Variants in VRK2 observed in about 807,000 individuals in gnomAD.
VRK2 encodes the protein VRK serine/threonine kinase 2, also known as serine/threonine-protein kinase VRK2.
VRK2 carries 60 observed loss-of-function variants against 57.6 expected under a neutral mutation model. The ratio of observed to expected loss-of-function variants is 1.04; its 90% CI spans 0.85 to 1.29. The LOEUF is 1.29. VRK2 is among the 50% of genes most tolerant of loss of function. The pLI is 0.00. For synonymous variants in VRK2, 231 were observed against 199.2 expected, an observed-to-expected ratio of 1.16 and a Z score of -1.35; for missense variants, 705 against 588.1, an observed-to-expected ratio of 1.20 and a Z score of -2.06.
upstream of VRK2, among the ~76,000 whole-genome samples, chr2:58,045,768 T>C (rs910016137): frequency 5.3e-5 from 8 of 152,034 alleles, no homozygotes; most frequent in African/African-American, 1.7e-4. Flanking sequence ...GGTTACTATG[T>C]AGAATGCTGA....
intron 1 of VRK2, among the ~76,000 whole-genome samples, chr2:57,987,837 T>C (rs1672645533): frequency 6.6e-6 from 1 of 152,218 alleles, no homozygotes; most frequent in Non-Finnish European, 1.5e-5. Context: ...CAACTCCTGA[T>C]ACATGTAATG....
rs772810479 is a variant in VRK2, at chr2:58,146,447, T to C, written c.1155T>C (p.Ile385=). The C allele has an allele frequency of 6.2e-6, 10 of 1,610,744 alleles. No homozygotes were observed. Among genetic ancestry groups the C allele is most frequent in the South Asian group, 2.2e-5 (2 of 90,882 alleles). Residue 385 remains isoleucine, a synonymous_variant, in exon 12 of 13, where the codon ATT becomes ATC. Coordinates refer to ENST00000340157, the MANE Select transcript of VRK2 (RefSeq NM_006296.7). ...AAGTGCAGAAAGAGGAGAAACTGAT[T>C]GGATTGATGAACAATGAAGCAGCTC... The part of the protein sequence containing the change: ...TWKVQKEEKL[I]GLMNNEAAQE...
chr2:58,150,562 G>GT lies in VRK2; in HGVS notation c.1182+4102dup, dbSNP rs35146685. Among the ~76,000 whole-genome samples, 286 of 95,432 alleles carry GT rather than the reference G, an allele frequency of 3.0e-3. 1 individual carries two copies. Among genetic ancestry groups the GT allele is most frequent in the South Asian group, 6.9e-3 (21 of 3,036 alleles). 62.6% of individuals were successfully genotyped at this position (95,432 alleles called of 152,430 possible). On this transcript the variant is annotated intron_variant, in intron 12 of 12. Coordinates refer to ENST00000340157, the MANE Select transcript of VRK2 (RefSeq NM_006296.7). ...GACCAGCTTTGGTTTTTTTTTTTTAGTTTTTTTTTTTTTTCAAAGACCAAC... is the reference window on the plus strand; with the variant it reads ...GACCAGCTTTGGTTTTTTTTTTTTAGTTTTTTTTTTTTTTTCAAAGACCAAC...
chr2:58,143,369 C>A (rs2104629661), intron 11 of VRK2, among the ~76,000 whole-genome samples: 1 of 152,018 alleles, frequency 6.6e-6, no homozygotes, highest in Admixed American at 6.6e-5. Flanking sequence ...AGGGTGTTTT[C>A]TGTATTTTTC....
intron 2 of VRK2, among the ~76,000 whole-genome samples, chr2:58,050,934 T>A (rs1175689514): frequency 6.6e-6 from 1 of 151,896 alleles, no homozygotes; most frequent in African/African-American, 2.4e-5. Context: ...AACCTCCACC[T>A]CCTAGGTTCA....
chr2:57,926,931 T>C (rs982324790), intron 1 of VRK2, among the ~76,000 whole-genome samples: 9 of 151,828 alleles, frequency 5.9e-5, no homozygotes, highest in Admixed American at 2.6e-4. Flanking sequence ...TGTAGACTTC[T>C]TTCTTTCCTT....
At chr2:57,975,205 A>G (rs1672211821) in intron 1 of VRK2, among the ~76,000 whole-genome samples, 1 of 152,050 alleles carries the variant, frequency 6.6e-6, no homozygotes, top group Non-Finnish European at 1.5e-5. Context: ...GAAATTGATA[A>G]CAAAGATACA....
intron 1 of VRK2, among the ~76,000 whole-genome samples, chr2:58,006,805 C>G (rs79435820): frequency 1.3e-5 from 2 of 152,094 alleles, no homozygotes; most frequent in East Asian, 3.9e-4. Flanking sequence ...GAAAGGAAGC[C>G]TACTAAATTC....
intron 2 of VRK2, among the ~76,000 whole-genome samples, chr2:58,074,207 A>C (rs1669762382): frequency 6.6e-6 from 1 of 152,082 alleles, no homozygotes; most frequent in South Asian, 2.1e-4. Flanking sequence ...TCCTATAGAC[A>C]TCATATAGTT....
intron 7 of VRK2, among the ~76,000 whole-genome samples, chr2:58,117,770 A>C (rs1283021372): frequency 1.3e-5 from 2 of 152,180 alleles, no homozygotes; most frequent in African/African-American, 2.4e-5. Context: ...GAAGAAAATA[A>C]GACGCTTAGA....
At chr2:57,989,801 T>C (rs1217462312) in intron 1 of VRK2, among the ~76,000 whole-genome samples, 1 of 152,216 alleles carries the variant, frequency 6.6e-6, no homozygotes, top group African/African-American at 2.4e-5. Flanking sequence ...TAAAACAATG[T>C]TTATCTCCTG....
intron 2 of VRK2, among the ~76,000 whole-genome samples, chr2:58,032,819 A>G (rs1674157759): frequency 1.3e-5 from 2 of 152,050 alleles, no homozygotes; most frequent in South Asian, 2.1e-4. Context: ...TTGAGATTCT[A>G]TGCACCCCAG....
intron 1 of VRK2, among the ~76,000 whole-genome samples, chr2:57,965,892 G>A (rs1045313195): frequency 5.9e-5 from 9 of 152,122 alleles, no homozygotes. Flanking sequence ...TTGATGAAAA[G>A]TACATTTACA....
chr2:58,058,514 C>T (rs1312082794), intron 2 of VRK2: 2 of 425,840 alleles, frequency 4.7e-6, no homozygotes, highest in African/African-American at 4.2e-5. Flanking sequence ...CCTAATGAAC[C>T]TCTTAGACAT....
intron 1 of VRK2, among the ~76,000 whole-genome samples, chr2:57,923,605 A>G (rs1311079272): frequency 6.6e-6 from 1 of 151,384 alleles, no homozygotes; most frequent in African/African-American, 2.4e-5. Flanking sequence ...AAGTTGTTTG[A>G]ACTTCTTATA....
At chr2:58,017,123 G>A (rs756315066) in intron 1 of VRK2, among the ~76,000 whole-genome samples, 5 of 152,162 alleles carry the variant, frequency 3.3e-5, no homozygotes, top group Non-Finnish European at 4.4e-5. Flanking sequence ...TCACAGGATA[G>A]AAAACCCTCC....
intron 1 of VRK2, among the ~76,000 whole-genome samples, chr2:58,024,164 A>C (rs1364565399): frequency 6.6e-6 from 1 of 152,090 alleles, no homozygotes; most frequent in Non-Finnish European, 1.5e-5. Flanking sequence ...CTCTACTAAA[A>C]GTACAAAAAA....
At chr2:58,086,258 T>C in intron 4 of VRK2, 81 bp from the exon 5 acceptor site, 1 of 1,252,052 alleles carries the variant, frequency 8.0e-7, no homozygotes, top group Non-Finnish European at 1.1e-6. Context: ...TTTGGTTAGC[T>C]AAATAAATTT....
chr2:57,947,247 C>G (rs1253812316), intron 1 of VRK2, among the ~76,000 whole-genome samples: 1 of 151,990 alleles, frequency 6.6e-6, no homozygotes, highest in East Asian at 1.9e-4. Context: ...AGAAATGGGT[C>G]TAGAAATTTT....
Sources: allele counts gnomAD v4.1 joint callset (sites outside exome capture counted in the v4.1 genomes callset), GRCh38; gene constraint gnomAD v4.1.1; transcripts MANE v1.5; gene names NCBI Gene and HGNC (gene_info 2026-07-23, HGNC 2026-07-21).